Variants in LDLRAD4 observed in about 807,000 individuals in gnomAD.
The protein encoded by LDLRAD4 is low density lipoprotein receptor class A domain containing 4.
A neutral mutation model predicts 17.0 loss-of-function variants in LDLRAD4; 5 were observed. The observed-to-expected ratio is 0.29, with a 90% CI of 0.15 to 0.62. LDLRAD4 has a LOEUF of 0.62. Among genes scored for constraint, LDLRAD4 ranks in the 20% least tolerant of loss-of-function variants. The probability of loss-of-function intolerance (pLI) is 0.84; values close to 1 mark genes in which losing one functional copy is unlikely to be tolerated. For missense variants in LDLRAD4, 340 were observed against 424.7 expected, an observed-to-expected ratio of 0.80 and a Z score of 1.75; for synonymous variants, 168 against 171.8, an observed-to-expected ratio of 0.98 and a Z score of 0.17.
rs76929660 is a variant in LDLRAD4, at chr18:13,596,485, T to G, written c.182-24632T>G. On this transcript the variant is annotated intron_variant, in intron 3 of 5. Transcript: ENST00000359446. ...TTTTCTTAATGGTTGCTCTCAAGCT[T>G]AACACACATAACTTGTCAGAATCTA... 2.0e-3 allele frequency among the ~76,000 whole-genome samples: 302 copies of G among 152,334 alleles called. 1 individual carries two copies. The highest frequency in any genetic ancestry group is 6.8e-3 in the African/African-American group (282 of 41,584).
chr18:13,560,605 G>A (rs554263699), intron 3 of LDLRAD4, among the ~76,000 whole-genome samples: 1 of 152,302 alleles, frequency 6.6e-6, no homozygotes, highest in South Asian at 2.1e-4. Context: ...AGACAGATTT[G>A]TGTCTCCTCA....
intron 1 of LDLRAD4, among the ~76,000 whole-genome samples, chr18:13,361,490 GT>G (rs2083667899): frequency 6.6e-6 from 1 of 152,198 alleles, no homozygotes; most frequent in Non-Finnish European, 1.5e-5. Flanking sequence ...CAGGCCCTCA[GT>G]ACAGTTCTCC....
chr18:13,223,324 C>G (rs1206627001), intron 1 of LDLRAD4, among the ~76,000 whole-genome samples: 9 of 152,240 alleles, frequency 5.9e-5, no homozygotes, highest in Non-Finnish European at 1.2e-4. Context: ...ATTCTTCCCA[C>G]TCACACTGGC....
chr18:13,568,737 C>A (rs2094641638), intron 3 of LDLRAD4, among the ~76,000 whole-genome samples: 1 of 152,206 alleles, frequency 6.6e-6, no homozygotes, highest in Non-Finnish European at 1.5e-5. Flanking sequence ...TTTAGGGTCT[C>A]TGTATCACAG....
chr18:13,541,699 A>G (rs556419927), intron 3 of LDLRAD4, among the ~76,000 whole-genome samples: 2 of 152,352 alleles, frequency 1.3e-5, no homozygotes, highest in East Asian at 3.9e-4. Context: ...TAAATCAGGA[A>G]GGTGTGGATG....
At chr18:13,453,076 G>A (rs931552938) in intron 3 of LDLRAD4, among the ~76,000 whole-genome samples, 2 of 152,214 alleles carry the variant, frequency 1.3e-5, no homozygotes, top group African/African-American at 2.4e-5. Flanking sequence ...GTGAGGTCAC[G>A]GGATTTGCAT....
chr18:13,595,300 A>G (rs1367940858), intron 3 of LDLRAD4, among the ~76,000 whole-genome samples: 1 of 152,098 alleles, frequency 6.6e-6, no homozygotes, highest in Non-Finnish European at 1.5e-5. Context: ...GTCTTATTAT[A>G]GAAGATTAGG....
intron 3 of LDLRAD4, among the ~76,000 whole-genome samples, chr18:13,590,869 A>G (rs1010971313): frequency 6.6e-6 from 1 of 152,132 alleles, no homozygotes; most frequent in Non-Finnish European, 1.5e-5. Context: ...TCTAATTCAG[A>G]GGTCTCATTA....
intron 1 of LDLRAD4, among the ~76,000 whole-genome samples, chr18:13,331,934 C>T (rs1488891108): frequency 3.3e-5 from 5 of 152,206 alleles, no homozygotes; most frequent in Admixed American, 3.3e-4. Context: ...CTCCTGGGCT[C>T]AAGTGATCTT....
rs376935140 is a variant in LDLRAD4 at position 13,546,207 on chromosome 18, G to A, written c.182-74910G>A. Reference sequence around the variant, plus strand: ...TGCATTCAGCCTGGACCCAATGGCTGTCACTCATCAAGTGGAAGGTCAAGG... The same window carrying A: ...TGCATTCAGCCTGGACCCAATGGCTATCACTCATCAAGTGGAAGGTCAAGG... On this transcript the variant is annotated intron_variant, in intron 3 of 5. Transcript: ENST00000359446. Among the ~76,000 whole-genome samples the A allele has an allele frequency of 2.2e-4, 33 of 152,234 alleles. 1 individual carries two copies. The highest frequency in any genetic ancestry group is 7.5e-4 in the African/African-American group (31 of 41,532).
chr18:13,435,082 T>C (rs576839577), intron 2 of LDLRAD4, among the ~76,000 whole-genome samples: 1 of 152,354 alleles, frequency 6.6e-6, no homozygotes, highest in East Asian at 1.9e-4. Flanking sequence ...GTTTGAAATA[T>C]CACAATAATC....
intron 1 of LDLRAD4, among the ~76,000 whole-genome samples, chr18:13,227,031 C>G (rs749127291): frequency 3.3e-5 from 5 of 152,172 alleles, no homozygotes; most frequent in Non-Finnish European, 7.4e-5. Flanking sequence ...ACACTCTTTG[C>G]TAGTCTTGCC....
chr18:13,427,577 G>T (rs1303397551), intron 2 of LDLRAD4: 1 of 152,260 alleles, frequency 6.6e-6, no homozygotes, highest in Admixed American at 6.5e-5. Context: ...CAGGGCTTCA[G>T]CCAGACAATG....
intron 3 of LDLRAD4, among the ~76,000 whole-genome samples, chr18:13,479,328 A>T: frequency 6.6e-6 from 1 of 152,224 alleles, no homozygotes; most frequent in South Asian, 2.1e-4. Context: ...CTTTTAAGTC[A>T]TTGAAAAGAG....
chr18:13,256,953 T>G (rs1299473084), intron 1 of LDLRAD4, among the ~76,000 whole-genome samples: 2 of 152,260 alleles, frequency 1.3e-5, no homozygotes, highest in African/African-American at 4.8e-5. Flanking sequence ...ACTGTCTGTT[T>G]TCTTTTCCTT....
In LDLRAD4 at chr18:13,321,908, GAAAAAGAAT is replaced by G. The variant is rs140998831; in HGVS notation, c.-383+43733_-383+43741del. Among the ~76,000 whole-genome samples the G allele has an allele frequency of 2.9e-3, 269 of 92,330 alleles. 35 individuals carry two copies. The highest frequency in any genetic ancestry group is 4.3e-3 in the Non-Finnish European group (195 of 45,658). 60.6% of individuals were successfully genotyped at this position (92,330 alleles called of 152,430 possible). On this transcript the variant is annotated intron_variant, in intron 1 of 5. Transcript: ENST00000359446. Reference sequence around the variant, plus strand: ...AAAAAAAAAAAAAAAAAAAAGAAAAGAAAAAGAATAAAAAGAATAAACACACAGACTTAA... The same window carrying G: ...AAAAAAAAAAAAAAAAAAAAGAAAAGAAAAAGAATAAACACACAGACTTAA...
chr18:13,497,521 T>C (rs1203659751), intron 3 of LDLRAD4, among the ~76,000 whole-genome samples: 1 of 152,080 alleles, frequency 6.6e-6, no homozygotes, highest in Non-Finnish European at 1.5e-5. Context: ...CCTTCTTTTT[T>C]CACATGCCTG....
chr18:13,565,222 A>G (rs1027442954), intron 3 of LDLRAD4, among the ~76,000 whole-genome samples: 2 of 152,224 alleles, frequency 1.3e-5, no homozygotes, highest in Non-Finnish European at 2.9e-5. Context: ...TTTTAGGTCG[A>G]CCAGTTGTCC....
At chr18:13,294,370 C>T (rs2046150320) in intron 1 of LDLRAD4, among the ~76,000 whole-genome samples, 1 of 152,224 alleles carries the variant, frequency 6.6e-6, no homozygotes. Context: ...ACGGCCCCTT[C>T]TCCACAAGGC....
Sources: gnomAD v4.1 joint callset for allele counts (sites outside exome capture counted in the v4.1 genomes callset) on GRCh38, gnomAD v4.1.1 for gene constraint, MANE v1.5 for transcripts, NCBI Gene and HGNC (gene_info 2026-07-23, HGNC 2026-07-21) for gene names.